Variants in CACNG2 observed in about 807,000 individuals in gnomAD.
CACNG2 encodes the protein voltage-dependent calcium channel gamma-2 subunit.
A neutral mutation model predicts 25.9 loss-of-function variants in CACNG2; 3 were observed. The ratio of observed to expected loss-of-function variants is 0.12; its 90% CI spans 0.05 to 0.30. CACNG2 has a LOEUF of 0.30. CACNG2 is among the 10% of genes least tolerant of loss of function. The pLI, the probability that CACNG2 is intolerant of heterozygous loss-of-function variation, is 1.00. For missense variants in CACNG2, 341 were observed against 432.5 expected, an observed-to-expected ratio of 0.79 and a Z score of 1.88; for synonymous variants, 167 against 173.3, an observed-to-expected ratio of 0.96 and a Z score of 0.29.
intron 1 of CACNG2, among the ~76,000 whole-genome samples, chr22:36,599,384 G>A (rs2145930622): frequency 6.6e-6 from 1 of 152,290 alleles, no homozygotes; most frequent in East Asian, 1.9e-4. Context: ...AGTCAAGCAA[G>A]GGAATGATAA....
intron 1 of CACNG2, among the ~76,000 whole-genome samples, chr22:36,650,657 G>A (rs1936597447): frequency 6.6e-6 from 1 of 152,144 alleles, no homozygotes; most frequent in Non-Finnish European, 1.5e-5. Flanking sequence ...GATTGCAGGT[G>A]TGACCCACTG....
chr22:36,641,814 C>T (rs1292841627), intron 1 of CACNG2, among the ~76,000 whole-genome samples: 1 of 152,258 alleles, frequency 6.6e-6, no homozygotes, highest in Non-Finnish European at 1.5e-5. Flanking sequence ...TGCCGAGCCT[C>T]TGCCAAAGTA....
At chr22:36,605,089 T>C (rs1397227767) in intron 1 of CACNG2, among the ~76,000 whole-genome samples, 2 of 152,180 alleles carry the variant, frequency 1.3e-5, no homozygotes, top group Non-Finnish European at 2.9e-5. Context: ...ATAACTTTTT[T>C]TTTGAGACAG....
intron 1 of CACNG2, among the ~76,000 whole-genome samples, chr22:36,683,139 T>C (rs2146005888): frequency 6.6e-6 from 1 of 152,358 alleles, no homozygotes. Flanking sequence ...CATTGCTGTA[T>C]AGACAAGATA....
At chr22:36,666,386 T>A (rs1239098669) in intron 1 of CACNG2, among the ~76,000 whole-genome samples, 1 of 151,830 alleles carries the variant, frequency 6.6e-6, no homozygotes, top group East Asian at 1.9e-4. Flanking sequence ...CCAGCCTGGG[T>A]GACAGAGTGA....
intron 3 of CACNG2, among the ~76,000 whole-genome samples, chr22:36,565,434 A>G (rs73169697): frequency 0.036 from 5,464 of 151,248 alleles, 169 homozygotes; most frequent in Admixed American, 0.092. Context: ...GGCCACGGAG[A>G]GGGTTAAATG....
chr22:36,689,136 A>G (rs189440831), intron 1 of CACNG2, among the ~76,000 whole-genome samples: 31 of 152,100 alleles, frequency 2.0e-4, no homozygotes, highest in African/African-American at 7.2e-4. Context: ...TTGTGCCTTC[A>G]TCAAGTCCCT....
intron 1 of CACNG2, among the ~76,000 whole-genome samples, chr22:36,674,252 C>T (rs1430747624): frequency 6.6e-6 from 1 of 152,262 alleles, no homozygotes; most frequent in Admixed American, 6.5e-5. Flanking sequence ...CTTCACCTCT[C>T]CCACCTCCCA....
intron 1 of CACNG2, among the ~76,000 whole-genome samples, chr22:36,696,719 A>AG (rs1447761394): frequency 3.9e-5 from 6 of 152,162 alleles, no homozygotes; most frequent in African/African-American, 1.4e-4. Context: ...AAAACAGCAA[A>AG]GGGGGATGGA....
intron 1 of CACNG2, among the ~76,000 whole-genome samples, chr22:36,685,022 C>T (rs1226068195): frequency 6.6e-6 from 1 of 152,228 alleles, no homozygotes. Context: ...CCGTCTGAGA[C>T]TCTGGCCTGT....
At chr22:36,592,189 A>T (rs960262890) in intron 1 of CACNG2, among the ~76,000 whole-genome samples, 10 of 149,296 alleles carry the variant, frequency 6.7e-5, no homozygotes, top group Non-Finnish European at 1.5e-4. Context: ...TAAGCTGGGT[A>T]AACAGGGAAA....
At chr22:36,579,096 C>T (rs1414898032) in intron 2 of CACNG2, among the ~76,000 whole-genome samples, 3 of 152,262 alleles carry the variant, frequency 2.0e-5, no homozygotes, top group Non-Finnish European at 2.9e-5. Context: ...TTCTCCCATC[C>T]AGGCTGTCAG....
intron 2 of CACNG2, among the ~76,000 whole-genome samples, chr22:36,586,212 C>T (rs1321065613): frequency 4.6e-5 from 7 of 152,234 alleles, no homozygotes; most frequent in Non-Finnish European, 7.3e-5. Context: ...CTCCCCAGCA[C>T]GGAGCACAGG....
chr22:36,653,899 A>T (rs2145977388), intron 1 of CACNG2, among the ~76,000 whole-genome samples: 1 of 148,330 alleles, frequency 6.7e-6, no homozygotes, highest in Admixed American at 6.8e-5. Flanking sequence ...AATCCTCTTG[A>T]AAACATGACA....
At chr22:36,652,955 C>T (rs566610630) in intron 1 of CACNG2, among the ~76,000 whole-genome samples, 12 of 152,042 alleles carry the variant, frequency 7.9e-5, no homozygotes, top group African/African-American at 2.4e-4. Flanking sequence ...ATGCTGGAGT[C>T]CCCCCGGGCT....
intron 1 of CACNG2, among the ~76,000 whole-genome samples, chr22:36,617,937 G>A (rs1936047134): frequency 6.6e-6 from 1 of 152,152 alleles, no homozygotes; most frequent in East Asian, 1.9e-4. Flanking sequence ...TGCTTGCCAA[G>A]AGTATAAGCA....
chr22:36,570,988 G>A (rs1288351129), intron 2 of CACNG2, among the ~76,000 whole-genome samples: 1 of 152,038 alleles, frequency 6.6e-6, no homozygotes, highest in African/African-American at 2.4e-5. Context: ...TTGAATCCTC[G>A]CTTTGTCAGT....
rs749365558 is a variant in CACNG2, at chr22:36,702,603, C to G, written c.-27G>C. The G allele has an allele frequency of 1.9e-6, 3 of 1,587,138 alleles. No individual in the cohort carries two copies. The highest frequency in any genetic ancestry group is 1.7e-5 in the Admixed American group (1 of 59,974). ...ATTCTTCATTATATAAACACCCAACCGACTTCTGGTTCTCGGGAGAGTGTG... is the reference window on the plus strand; with the variant it reads ...ATTCTTCATTATATAAACACCCAACGGACTTCTGGTTCTCGGGAGAGTGTG... On this transcript the variant is annotated 5_prime_UTR_variant, in exon 1 of 4. Transcript: ENST00000300105.
chr22:36,598,491 G>A (rs1935708557), intron 1 of CACNG2, among the ~76,000 whole-genome samples: 1 of 151,610 alleles, frequency 6.6e-6, no homozygotes, highest in Non-Finnish European at 1.5e-5. Context: ...GGTGGCGGGG[G>A]CCTGTAATCC....
Sources: gnomAD v4.1 joint callset for allele counts (sites outside exome capture counted in the v4.1 genomes callset) on GRCh38, gnomAD v4.1.1 for gene constraint, MANE v1.5 for transcripts, NCBI Gene and HGNC (gene_info 2026-07-23, HGNC 2026-07-21) for gene names.